The following POP1 variants were observed in gnomAD, a reference collection of about 807,000 sequenced individuals.
The protein encoded by POP1 is ribonucleases P/MRP protein subunit POP1.
Under a neutral mutation model 102.2 loss-of-function variants are expected in POP1, and 75 were observed. The observed-to-expected ratio is 0.73, with a 90% CI of 0.61 to 0.89. The LOEUF is 0.89. POP1 is among the 40% of genes least tolerant of loss of function. POP1 has a pLI of 0.00. For missense variants in POP1, 1,116 were observed against 1,267.4 expected (o/e 0.88, Z 1.81); for synonymous variants, 436 against 464.1 (o/e 0.94, Z 0.78).
At chr8:98,150,728 T>C in intron 14 of POP1, 89 bp downstream of exon 14, 2 of 1,306,256 alleles carry the variant, frequency 1.5e-6, no homozygotes, top group African/African-American at 1.5e-5. Flanking sequence ...AGGATGGCTT[T>C]GGTAATTTCA....
chr8:98,120,412 CTAAG>C (rs1815975698), intron 1 of POP1, among the ~76,000 whole-genome samples: 1 of 152,194 alleles, frequency 6.6e-6, no homozygotes, highest in African/African-American at 2.4e-5. Context: ...AAGCCCCATG[CTAAG>C]TGAGTTGTGT....
intron 2 of POP1, among the ~76,000 whole-genome samples, chr8:98,125,784 C>T (rs13264776): frequency 0.31 from 46,391 of 151,826 alleles, 7,958 homozygotes; most frequent in South Asian, 0.4. Context: ...AGGCAATCCA[C>T]CCACCTTGGC....
chr8:98,153,356 C>T lies in POP1; in HGVS notation c.2058-2694C>T, dbSNP rs116728535. On this transcript the variant is annotated intron_variant, in intron 14 of 15. Transcript: ENST00000401707. ...GGGGAGGGAAGCTAAAATGTAAGAGCGAAGTCCTTGGACAAGGAAGAAGGG... is the reference window on the plus strand; with the variant it reads ...GGGGAGGGAAGCTAAAATGTAAGAGTGAAGTCCTTGGACAAGGAAGAAGGG... Among the ~76,000 whole-genome samples the T allele has an allele frequency of 5.4e-3, 824 of 151,950 alleles. 3 individuals are homozygous for T. The highest frequency in any genetic ancestry group is 0.019 in the African/African-American group (774 of 41,438).
Position 98,131,947 on chromosome 8 carries a change from G to A in POP1, c.735+1721G>A, listed in dbSNP as rs184695081. 7.4e-3 allele frequency among the ~76,000 whole-genome samples: 1,128 copies of A among 152,178 alleles called. 46 individuals carry two copies. Among genetic ancestry groups the A allele is most frequent in the Admixed American group, 0.067 (1,024 of 15,278 alleles). ...CTGGAGAGATGAAGTGACTTGCCTG[G>A]GCTCACACAGCTTGTTGGTGGCCTA... On this transcript the variant is annotated intron_variant, in intron 5 of 15. Coordinates refer to ENST00000401707, the MANE Select transcript of POP1 (RefSeq NM_001145860.2).
In POP1 at chr8:98,127,699, A is replaced by G. The variant is rs1353877564; in HGVS notation, c.247A>G (p.Lys83Glu). 3 of 1,614,130 alleles carry G rather than the reference A, an allele frequency of 1.9e-6. No homozygotes were observed. The highest frequency in any genetic ancestry group is 2.5e-6 in the Non-Finnish European group (3 of 1,180,002). The change falls in exon 3 of 16, where the codon AAA (lysine) becomes GAA (glutamate). Residue 83 changes from lysine (K) to glutamate (E), a missense_variant. Transcript: ENST00000401707. ...GTCTTCCTCCAAAGGGATGTTTAGA[A>G]AAAAGGGAGGATGGAAAGCAGGTCC... is the stretch of plus-strand genomic sequence containing the variant. ...EQSSSKGMFR[K>E]KGGWKAGPEG...
chr8:98,144,912 G>C (rs1192429097), intron 11 of POP1, among the ~76,000 whole-genome samples: 1 of 152,056 alleles, frequency 6.6e-6, no homozygotes, highest in East Asian at 1.9e-4. Context: ...TTTTGAGACA[G>C]GGTCTGGCTC....
chr8:98,135,096 GGTGAAACCCT>G (rs1438201517), intron 7 of POP1, among the ~76,000 whole-genome samples: 1 of 152,074 alleles, frequency 6.6e-6, no homozygotes, highest in African/African-American at 2.4e-5. Flanking sequence ...TGGGCAACAC[GGTGAAACCCT>G]GTCTCTGCAA....
Position 98,159,591 on chromosome 8 carries a change from T to G in POP1, c.*1320T>G, listed in dbSNP as rs1310888525. ...GTAAATATGCAGTTAGGCATTATTT[T>G]ATGTAAATGCATTGGGTTTTTACTG... On this transcript the variant is annotated 3_prime_UTR_variant, in exon 16 of 16. Transcript: ENST00000401707. The G allele has an allele frequency of 6.6e-6, 1 of 152,208 alleles. No individual in the cohort carries two copies. Among genetic ancestry groups the G allele is most frequent in the Non-Finnish European group, 1.5e-5 (1 of 68,038 alleles). The allele number at this position is 152,208 out of a possible 1,614,324, so 9.4% of individuals were successfully genotyped here. A position where few individuals can be genotyped will look rare whatever the true frequency, so the allele number is the denominator to read the frequency against.
At chr8:98,138,155 C>T (rs1034556681) in intron 9 of POP1, among the ~76,000 whole-genome samples, 2 of 152,232 alleles carry the variant, frequency 1.3e-5, no homozygotes, top group Non-Finnish European at 1.5e-5. Context: ...AGCCCATTCT[C>T]CACACAAGAG....
At position 98,136,912 on chromosome 8, in the gene POP1, C is replaced by G; in HGVS notation, c.1320C>G (p.His440Gln). 6.2e-7 allele frequency: 1 copy of G among 1,613,660 alleles called. No individual in the cohort carries two copies. The highest frequency in any genetic ancestry group is 8.5e-7 in the Non-Finnish European group (1 of 1,179,542). Reference protein sequence around the residue: ...NRFRLIGPLSHSILTEAIKAA... With the variant: ...NRFRLIGPLSQSILTEAIKAA... ...TCCGGCTGATTGGGCCACTTTCCCA[C>G]TCCATCCTAACTGAAGCAATAAAAG... is the stretch of plus-strand genomic sequence containing the variant. The change falls in exon 9 of 16, where the codon CAC becomes CAG. Residue 440 changes from histidine to glutamine, a missense_variant. By Grantham distance (24) the His-to-Gln change is conservative (BLOSUM62 0). Coordinates refer to ENST00000401707, the MANE Select transcript of POP1 (RefSeq NM_001145860.2).
intron 7 of POP1, among the ~76,000 whole-genome samples, chr8:98,135,974 A>C (rs934549604): frequency 2.1e-4 from 32 of 152,090 alleles, no homozygotes. Context: ...CAAAGTGCTG[A>C]GATTACAGAC....
Position 98,133,938 on chromosome 8 carries a change from G to T in POP1, c.736-11G>T, listed in dbSNP as rs201593014. ...TCCTAAGTACTTAATTGTGTCTCCC[G>T]CTTTGTGCAGGATTTATCCTATTAC... On this transcript the variant is annotated splice_polypyrimidine_tract_variant and intron_variant, in intron 5 of 15. Transcript: ENST00000401707. 1 of 1,605,344 alleles carries T rather than the reference G, an allele frequency of 6.2e-7. No homozygotes were observed. The highest frequency in any genetic ancestry group is 1.3e-5 in the African/African-American group (1 of 74,674).
chr8:98,123,484 A>G lies in POP1; in HGVS notation c.142+5A>G, dbSNP rs373776571. On this transcript the variant is annotated splice_donor_5th_base_variant and intron_variant, in intron 2 of 15. Coordinates refer to ENST00000401707, the MANE Select transcript of POP1 (RefSeq NM_001145860.2). The stretch of plus-strand genomic sequence containing the variant: ...CTTTCCAAGCTCAAAAACAAGGTAA[A>G]ATACACATAAGAGACCAGGCATGGT... 4.8e-5 allele frequency: 78 copies of G among 1,613,132 alleles called. 1 individual carries two copies. The African/African-American group carries it at 8.4e-4, about 17-fold the overall frequency.
intron 1 of POP1, among the ~76,000 whole-genome samples, chr8:98,117,662 C>T (rs1052330258): frequency 2.0e-5 from 3 of 152,164 alleles, no homozygotes; most frequent in Non-Finnish European, 4.4e-5. Flanking sequence ...TCTTCTGCAA[C>T]CCCAAATGAC....
intron 1 of POP1, among the ~76,000 whole-genome samples, chr8:98,118,649 C>A (rs1314069381): frequency 6.6e-6 from 1 of 152,152 alleles, no homozygotes; most frequent in East Asian, 1.9e-4. Context: ...TGGTCTCCAA[C>A]TCTTGGGCTC....
chr8:98,131,253 A>C (rs1363959999), intron 5 of POP1, among the ~76,000 whole-genome samples: 1 of 152,118 alleles, frequency 6.6e-6, no homozygotes, highest in African/African-American at 2.4e-5. Context: ...CGACTCATTA[A>C]ACACTAACTC....
At chr8:98,128,585 G>A (rs1256397944) in intron 4 of POP1, 45 bp downstream of exon 4, 1 of 1,593,412 alleles carries the variant, frequency 6.3e-7, no homozygotes, top group African/African-American at 1.3e-5. Context: ...GTAGCTCCTA[G>A]AAGAAATTGA....
At chr8:98,125,266 A>G (rs1226486287) in intron 2 of POP1, among the ~76,000 whole-genome samples, 2 of 148,206 alleles carry the variant, frequency 1.3e-5, no homozygotes, top group East Asian at 3.9e-4. Context: ...GCTCACTGCA[A>G]CCTCCACCTC....
At chr8:98,157,280 C>T (rs963628230) in intron 15 of POP1, among the ~76,000 whole-genome samples, 1 of 152,182 alleles carries the variant, frequency 6.6e-6, no homozygotes, top group Non-Finnish European at 1.5e-5. Context: ...TTACATGTAA[C>T]AGTCCCTTAC....
Sources: gnomAD v4.1 joint callset for allele counts (sites outside exome capture counted in the v4.1 genomes callset) on GRCh38, gnomAD v4.1.1 for gene constraint, MANE v1.5 for transcripts, NCBI Gene and HGNC (gene_info 2026-07-23, HGNC 2026-07-21) for gene names.